Variants in CDIN1 observed in about 807,000 individuals in gnomAD.
The protein encoded by CDIN1 is CDAN1-interacting nuclease 1.
CDIN1 carries 33 observed loss-of-function variants against 45.3 expected under a neutral mutation model. The ratio of observed to expected loss-of-function variants is 0.73; its 90% CI spans 0.55 to 0.97. The LOEUF is 0.97. Ranked by LOEUF, CDIN1 falls within the 50% of genes least tolerant of loss-of-function variation. The probability of loss-of-function intolerance (pLI) is 0.00; values close to 1 mark genes in which losing one functional copy is unlikely to be tolerated. For missense variants in CDIN1, 303 were observed against 339.4 expected (o/e 0.89, Z 0.84); for synonymous variants, 118 against 124.4 (o/e 0.95, Z 0.34).
At chr15:36,719,944 A>G (rs146146042) in intron 10 of CDIN1, among the ~76,000 whole-genome samples, 100 of 152,114 alleles carry the variant, frequency 6.6e-4, no homozygotes, top group East Asian at 3.9e-3. Context: ...TTATCTTTCA[A>G]TGTCTGTAGA....
At chr15:36,741,006 G>A (rs1198997304) in intron 10 of CDIN1, among the ~76,000 whole-genome samples, 1 of 152,008 alleles carries the variant, frequency 6.6e-6, no homozygotes, top group Non-Finnish European at 1.5e-5. Context: ...GCACGATCAT[G>A]GCTCACTGCA....
chr15:36,607,795 C>G (rs191345184), intron 1 of CDIN1, among the ~76,000 whole-genome samples: 101 of 152,256 alleles, frequency 6.6e-4, no homozygotes, highest in Admixed American at 4.8e-3. Context: ...GCATCCATCA[C>G]CATTATCTAA....
intron 5 of CDIN1, among the ~76,000 whole-genome samples, chr15:36,685,320 C>T: frequency 6.6e-6 from 1 of 151,850 alleles, no homozygotes; most frequent in African/African-American, 2.4e-5. Context: ...TTTATTTCTG[C>T]CTTCATTTCG....
chr15:36,724,930 C>T (rs979142722), intron 10 of CDIN1, among the ~76,000 whole-genome samples: 4 of 152,082 alleles, frequency 2.6e-5, no homozygotes, highest in African/African-American at 4.8e-5. Flanking sequence ...ATGTACGAAC[C>T]TAGGGCTTTT....
intron 10 of CDIN1, among the ~76,000 whole-genome samples, chr15:36,780,464 A>G (rs2054322200): frequency 6.6e-6 from 1 of 152,318 alleles, no homozygotes; most frequent in Non-Finnish European, 1.5e-5. Context: ...ATAGAATCCT[A>G]TTAGGCAGGT....
At chr15:36,808,141 T>G (rs1010235963) in intron 10 of CDIN1, among the ~76,000 whole-genome samples, 183 bp from the exon 11 acceptor site, 2 of 151,974 alleles carry the variant, frequency 1.3e-5, no homozygotes, top group South Asian at 2.1e-4. Flanking sequence ...TCCGAGAAGG[T>G]AGTATGTGTG....
In CDIN1 at chr15:36,795,983, C is replaced by T. The variant is rs2054785194; in HGVS notation, c.717-12341C>T. On this transcript the variant is annotated intron_variant, in intron 10 of 10. Coordinates refer to ENST00000566621, the MANE Select transcript of CDIN1 (RefSeq NM_001321759.2). Reference sequence around the variant, plus strand: ...AGGAAATTTTCTGACCTAGTTTACTCACGTTTCCTACCCCTCAGTTCTGCG... The same window carrying T: ...AGGAAATTTTCTGACCTAGTTTACTTACGTTTCCTACCCCTCAGTTCTGCG... 2.0e-5 allele frequency among the ~76,000 whole-genome samples: 3 copies of T among 152,194 alleles called. No individual in the cohort carries two copies. In the South Asian group the frequency reaches 6.2e-4, roughly 32 times the overall value.
intron 1 of CDIN1, among the ~76,000 whole-genome samples, chr15:36,642,126 C>G (rs986592639): frequency 6.6e-5 from 10 of 152,160 alleles, no homozygotes; most frequent in African/African-American, 2.2e-4. Context: ...CAGTATTTCC[C>G]TCCGGTGTCC....
chr15:36,762,671 G>A (rs1231977929), intron 10 of CDIN1, among the ~76,000 whole-genome samples: 2 of 151,298 alleles, frequency 1.3e-5, no homozygotes, highest in African/African-American at 2.4e-5. Flanking sequence ...AGGCCCCGGT[G>A]TGTGATGTTG....
At chr15:36,682,239 T>G (rs920113242) in intron 5 of CDIN1, among the ~76,000 whole-genome samples, 1 of 152,162 alleles carries the variant, frequency 6.6e-6, no homozygotes, top group African/African-American at 2.4e-5. Flanking sequence ...AGTTCCAGTC[T>G]GAAGGCCAGC....
Position 36,809,275 on chromosome 15 carries a change from T to C in CDIN1, c.*822T>C, listed in dbSNP as rs193260813. The stretch of plus-strand genomic sequence containing the variant: ...GAGTTTATTTTTAAACATGGCTAGT[T>C]GTCAGTATGTACGTGAGCTAGTATT... On this transcript the variant is annotated 3_prime_UTR_variant, in exon 11 of 11. Transcript: ENST00000566621. 2 of 248,188 alleles carry C rather than the reference T, an allele frequency of 8.1e-6. No individual in the cohort carries two copies. The highest frequency in any genetic ancestry group is 2.0e-4 in the East Asian group (2 of 9,932). 15.4% of individuals were successfully genotyped at this position (248,188 alleles called of 1,614,324 possible).
chr15:36,793,083 G>A (rs1178160688), intron 10 of CDIN1, among the ~76,000 whole-genome samples: 1 of 152,138 alleles, frequency 6.6e-6, no homozygotes, highest in Non-Finnish European at 1.5e-5. Context: ...TGAACCCAGA[G>A]ACACCTCCCC....
chr15:36,707,962 T>C (rs1033935595), intron 8 of CDIN1: 2 of 151,988 alleles, frequency 1.3e-5, no homozygotes, highest in Non-Finnish European at 2.9e-5. Flanking sequence ...TTCTGAATAC[T>C]GGCACCAATC....
chr15:36,674,167 G>A (rs570146446), intron 5 of CDIN1, among the ~76,000 whole-genome samples: 1 of 152,280 alleles, frequency 6.6e-6, no homozygotes, highest in East Asian at 1.9e-4. Flanking sequence ...AGATGTTCAA[G>A]TGTTATTATT....
In CDIN1 at chr15:36,697,408, C is replaced by A. The variant is rs767890960; in HGVS notation, c.544+18C>A. On this transcript the variant is annotated intron_variant, in intron 8 of 10. Transcript: ENST00000566621. ...CTTCCTAGGTAAGTATTATTCACAT[C>A]TTCTCTAGCTTGTGTTGTCTCCCTG... 12 of 1,583,336 alleles carry A rather than the reference C, an allele frequency of 7.6e-6. No homozygotes were observed. Among genetic ancestry groups the A allele is most frequent in the Non-Finnish European group, 9.5e-6 (11 of 1,162,410 alleles).
chr15:36,691,634 A>G (rs915951631), intron 5 of CDIN1, 51 bp from the exon 6 acceptor site: 7 of 1,209,816 alleles, frequency 5.8e-6, no homozygotes, highest in Admixed American at 4.0e-5. Flanking sequence ...CTCATGTTGC[A>G]TTAAAAGTAT....
At chr15:36,599,107 C>CTT (rs10709743) in intron 1 of CDIN1, among the ~76,000 whole-genome samples, 1 of 133,922 alleles carries the variant, frequency 7.5e-6, no homozygotes. Context: ...AGCATACTTG[C>CTT]TTTTTTTTTT....
chr15:36,692,817 A>G (rs2042301542), intron 7 of CDIN1, among the ~76,000 whole-genome samples: 1 of 152,224 alleles, frequency 6.6e-6, no homozygotes, highest in South Asian at 2.1e-4. Context: ...TTCACTTTTT[A>G]AAACAAGATT....
intron 10 of CDIN1, 137 bp from the exon 11 acceptor site, chr15:36,808,187 C>A: frequency 1.7e-6 from 2 of 1,163,742 alleles, no homozygotes; most frequent in Non-Finnish European, 2.4e-6. Context: ...TGGCTATTTT[C>A]AGTCACAATG....
Sources: gnomAD v4.1 joint callset for allele counts (sites outside exome capture counted in the v4.1 genomes callset) on GRCh38, gnomAD v4.1.1 for gene constraint, MANE v1.5 for transcripts, NCBI Gene and HGNC (gene_info 2026-07-23, HGNC 2026-07-21) for gene names.